Variants in ECPAS observed in about 807,000 individuals in gnomAD.
The protein encoded by ECPAS is proteasome adapter and scaffold protein ECM29.
A neutral mutation model predicts 255.1 loss-of-function variants in ECPAS; 70 were observed. That is an observed-to-expected ratio of 0.27 (90% CI 0.23 to 0.33). The LOEUF (loss-of-function observed/expected upper bound fraction) is 0.33. Among genes scored for constraint, ECPAS ranks in the 10% least tolerant of loss-of-function variants. The pLI, the probability that ECPAS is intolerant of heterozygous loss-of-function variation, is 1.00. For missense variants in ECPAS, 1,817 were observed against 2,206.4 expected (o/e 0.82, Z 3.54); for synonymous variants, 784 against 775.0 (o/e 1.01, Z -0.19).
At chr9:111,410,250 C>A (rs1418753974) in intron 22 of ECPAS, 37 bp from the exon 23 acceptor site, 1 of 1,560,698 alleles carries the variant, frequency 6.4e-7, no homozygotes, top group Non-Finnish European at 8.7e-7. Context: ...AATTACATAC[C>A]ATTATCCTTA....
intron 36 of ECPAS, among the ~76,000 whole-genome samples, chr9:111,377,806 G>A (rs1018612370): frequency 6.6e-6 from 1 of 152,126 alleles, no homozygotes; most frequent in Non-Finnish European, 1.5e-5. Context: ...CTATCCTTCT[G>A]TATTAACTTT....
In ECPAS at chr9:111,409,003, C is replaced by T. The variant is rs1032348232; in HGVS notation, c.2551-331G>A. On this transcript the variant is annotated intron_variant, in intron 23 of 49. Coordinates refer to ENST00000684092, the MANE Select transcript of ECPAS (RefSeq NM_001364929.1). Reference sequence around the variant, plus strand: ...CCAAATCACATCTCAACCATTTCAGCCTATACTGGTGTGCGACCTTAAGCA... The same window carrying T: ...CCAAATCACATCTCAACCATTTCAGTCTATACTGGTGTGCGACCTTAAGCA... Among the ~76,000 whole-genome samples the T allele has an allele frequency of 2.6e-5, 4 of 152,194 alleles. No individual in the cohort carries two copies. The East Asian group carries it at 7.7e-4, about 29-fold the overall frequency.
At position 111,428,191 on chromosome 9, in the gene ECPAS, G is replaced by A. The variant is rs2098224553; in HGVS notation, c.931-30C>T. Reference sequence around the variant, plus strand: ...TGAAAATATGCTTGATTATAACTCAGCAATTCAAAATTATTTTGAACTGAA... The same window carrying A: ...TGAAAATATGCTTGATTATAACTCAACAATTCAAAATTATTTTGAACTGAA... On this transcript the variant is annotated intron_variant, in intron 9 of 49. Transcript: ENST00000684092. 13 of 1,584,214 alleles carry A rather than the reference G, an allele frequency of 8.2e-6. No individual in the cohort carries two copies. In the East Asian group the frequency reaches 2.9e-4, roughly 36 times the overall value.
intron 35 of ECPAS, 84 bp downstream of exon 35, chr9:111,383,127 T>G (rs980743943): frequency 1.1e-5 from 17 of 1,522,442 alleles, no homozygotes; most frequent in Admixed American, 5.5e-5. Context: ...TTTCTCCATA[T>G]TTTCCAGAAT....
At chr9:111,391,178 C>T (rs910293031) in intron 29 of ECPAS, among the ~76,000 whole-genome samples, 2 of 152,174 alleles carry the variant, frequency 1.3e-5, no homozygotes, top group African/African-American at 4.8e-5. Flanking sequence ...CAGTCATAGG[C>T]CCTATCCTGC....
At position 111,475,298 on chromosome 9, in the gene ECPAS, G is replaced by T. The variant is rs1472026994; in HGVS notation, c.-82-2298C>A. On this transcript the variant is annotated intron_variant, in intron 1 of 49. Transcript: ENST00000684092. Reference sequence around the variant, plus strand: ...GGTCTGAAACGAGAGCTCAGCAACAGGGATCAAACCATCTGAGAACACTGG... The same window carrying T: ...GGTCTGAAACGAGAGCTCAGCAACATGGATCAAACCATCTGAGAACACTGG... 2.0e-5 allele frequency among the ~76,000 whole-genome samples: 3 copies of T among 152,192 alleles called. No homozygotes were observed. The South Asian group carries it at 6.2e-4, about 32-fold the overall frequency.
chr9:111,439,492 C>T lies in ECPAS; in HGVS notation c.539+880G>A, dbSNP rs1356413621. On this transcript the variant is annotated intron_variant, in intron 6 of 49. Transcript: ENST00000684092. Reference sequence around the variant, plus strand: ...CCATGTTGCCCAGGCTGGTCTCAAACTTCTGGGCTCAAGGGATCTGTTCGG... The same window carrying T: ...CCATGTTGCCCAGGCTGGTCTCAAATTTCTGGGCTCAAGGGATCTGTTCGG... 2.6e-5 allele frequency among the ~76,000 whole-genome samples: 4 copies of T among 152,118 alleles called. No homozygotes were observed. The East Asian group carries it at 5.8e-4, about 22-fold the overall frequency.
chr9:111,421,608 A>G (rs886431045), intron 15 of ECPAS, among the ~76,000 whole-genome samples: 1 of 152,062 alleles, frequency 6.6e-6, no homozygotes, highest in African/African-American at 2.4e-5. Context: ...AATGTTACCT[A>G]TCAAACTCTA....
intron 2 of ECPAS, among the ~76,000 whole-genome samples, chr9:111,466,397 A>T (rs532040058): frequency 6.6e-6 from 1 of 152,260 alleles, no homozygotes; most frequent in East Asian, 1.9e-4. Flanking sequence ...GTGAGCCATG[A>T]TGGCGCCATT....
intron 18 of ECPAS, among the ~76,000 whole-genome samples, chr9:111,415,050 G>A (rs1204875033): frequency 6.6e-6 from 1 of 152,092 alleles, no homozygotes; most frequent in Non-Finnish European, 1.5e-5. Flanking sequence ...AGGGTGGGAG[G>A]AGGGAGAGGA....
chr9:111,423,167 C>G, intron 13 of ECPAS, 32 bp downstream of exon 13: 1 of 1,470,130 alleles, frequency 6.8e-7, no homozygotes, highest in East Asian at 2.5e-5. Flanking sequence ...TTTACCAACA[C>G]CATATCTCTC....
intron 35 of ECPAS, 116 bp downstream of exon 35, chr9:111,383,095 A>T: frequency 8.1e-7 from 1 of 1,234,364 alleles, no homozygotes; most frequent in Non-Finnish European, 1.1e-6. Context: ...CAAATGACCC[A>T]AGGGTCATTC....
intron 8 of ECPAS, among the ~76,000 whole-genome samples, chr9:111,431,186 T>C (rs1026082774): frequency 8.5e-5 from 13 of 152,300 alleles, no homozygotes; most frequent in African/African-American, 3.1e-4. Flanking sequence ...CAGTTTTAAT[T>C]CTGCAGAGTA....
intron 7 of ECPAS, among the ~76,000 whole-genome samples, chr9:111,436,468 G>C (rs1222096036): frequency 1.3e-5 from 2 of 152,168 alleles, no homozygotes; most frequent in Non-Finnish European, 2.9e-5. Context: ...ATATAACAGG[G>C]AGTCATGCTT....
intron 1 of ECPAS, among the ~76,000 whole-genome samples, chr9:111,479,625 G>A (rs1056988828): frequency 1.3e-5 from 2 of 151,600 alleles, no homozygotes; most frequent in African/African-American, 4.8e-5. Flanking sequence ...TTGTTAAGGT[G>A]GTAAATTTTA....
chr9:111,439,892 G>C (rs1342382268), intron 6 of ECPAS, among the ~76,000 whole-genome samples: 2 of 152,068 alleles, frequency 1.3e-5, no homozygotes, highest in Non-Finnish European at 2.9e-5. Flanking sequence ...AAGAGTTCCA[G>C]ACACAGCAAG....
chr9:111,440,826 T>C (rs2131896821), intron 5 of ECPAS, among the ~76,000 whole-genome samples: 1 of 152,336 alleles, frequency 6.6e-6, no homozygotes, highest in Middle Eastern at 3.4e-3. Context: ...AGAGATTTTA[T>C]ATGAAACCTT....
intron 31 of ECPAS, among the ~76,000 whole-genome samples, chr9:111,388,086 T>C (rs562082799): frequency 4.6e-5 from 7 of 152,296 alleles, no homozygotes; most frequent in African/African-American, 1.7e-4. Context: ...AGAATCAGTC[T>C]TATACCAATG....
chr9:111,412,958 A>G (rs1320694946), intron 20 of ECPAS, among the ~76,000 whole-genome samples: 1 of 152,162 alleles, frequency 6.6e-6, no homozygotes, highest in Non-Finnish European at 1.5e-5. Flanking sequence ...ACTTATACAA[A>G]AAAAAAAATT....
Sources: gnomAD v4.1 joint callset for allele counts (sites outside exome capture counted in the v4.1 genomes callset) on GRCh38, gnomAD v4.1.1 for gene constraint, MANE v1.5 for transcripts, NCBI Gene and HGNC (gene_info 2026-07-23, HGNC 2026-07-21) for gene names.